The following MARCOL variants were observed in gnomAD, a reference collection of about 807,000 sequenced individuals.
MARCOL encodes the protein MARCO like.
intron 1 of MARCOL, among the ~76,000 whole-genome samples, chr5:148,239,211 C>T (rs986026763): frequency 4.6e-5 from 7 of 151,958 alleles, no homozygotes; most frequent in South Asian, 2.1e-4. Flanking sequence ...TCTCAACTTA[C>T]TTTTCTCTAT....
intron 1 of MARCOL, among the ~76,000 whole-genome samples, chr5:148,239,536 T>C (rs1755941487): frequency 6.6e-6 from 1 of 151,914 alleles, no homozygotes; most frequent in African/African-American, 2.4e-5. Flanking sequence ...AGTGATAATA[T>C]TCATCTTGTT....
intron 1 of MARCOL, among the ~76,000 whole-genome samples, chr5:148,240,012 T>C (rs1180152864): frequency 6.6e-6 from 1 of 151,936 alleles, no homozygotes; most frequent in Admixed American, 6.6e-5. Flanking sequence ...AAAAAATAGA[T>C]GGTGAAACCA....
Position 148,242,545 on chromosome 5 carries a change from G to C in MARCOL, c.149G>C (p.Gly50Ala). Residue 50 changes from glycine (G) to alanine (A), a missense_variant, in exon 2 of 2, where the codon GGA becomes GCA. Transcript: ENST00000638089. ...LEEKNEANHL[G>A]GQRDSNKQGG... ...GAAAAAAATGAAGCTAACCATCTAG[G>C]AGGACAAAGAGATTCTAATAAGCAA... The C allele has an allele frequency of 2.5e-6, 1 of 398,204 alleles. No homozygotes were observed. Among genetic ancestry groups the C allele is most frequent in the Non-Finnish European group, 4.4e-6 (1 of 225,892 alleles). The allele number at this position is 398,204 out of a possible 1,614,324, so 24.7% of individuals were successfully genotyped here.
intron 1 of MARCOL, among the ~76,000 whole-genome samples, chr5:148,241,825 G>A (rs1049150348): frequency 2.4e-4 from 36 of 152,094 alleles, no homozygotes; most frequent in African/African-American, 8.7e-4. Flanking sequence ...AACCACCAGA[G>A]AGAGCATGAT....
chr5:148,240,013 G>T (rs937373448), intron 1 of MARCOL, among the ~76,000 whole-genome samples: 1 of 151,634 alleles, frequency 6.6e-6, no homozygotes, highest in Non-Finnish European at 1.5e-5. Context: ...AAAAATAGAT[G>T]GTGAAACCAC....
intron 1 of MARCOL, among the ~76,000 whole-genome samples, chr5:148,241,890 A>G (rs942885043): frequency 1.3e-5 from 2 of 152,122 alleles, no homozygotes; most frequent in Admixed American, 6.6e-5. Context: ...TGAAAGACAC[A>G]TGTTCTGAAG....
intron 1 of MARCOL, among the ~76,000 whole-genome samples, chr5:148,240,978 G>T (rs1755957342): frequency 6.6e-6 from 1 of 151,906 alleles, no homozygotes; most frequent in South Asian, 2.1e-4. Flanking sequence ...CCCACTACTA[G>T]ACTTCTCAGC....
At chr5:148,241,387 A>T (rs1381758263) in intron 1 of MARCOL, among the ~76,000 whole-genome samples, 1 of 50,532 alleles carries the variant, frequency 2.0e-5, no homozygotes, top group East Asian at 6.2e-4. Flanking sequence ...ATTGAAAAAA[A>T]TACCAAAAAA....
In MARCOL at chr5:148,242,608, G is replaced by A; in HGVS notation, c.212G>A (p.Arg71Lys). The change falls in exon 2 of 2, where the codon AGG becomes AAG. Residue 71 changes from arginine to lysine, a missense_variant. Arg to Lys is a conservative substitution (Grantham distance 26). Coordinates refer to ENST00000638089, the MANE Select transcript of MARCOL (RefSeq NM_001363511.2). ...SYTQGNPGTF[R>K]LQGQPGYFNK... ...ACACAAGGAAATCCAGGAACGTTTA[G>A]GCTTCAAGGACAACCAGGCTATTTT... is the stretch of plus-strand genomic sequence containing the variant. 2.5e-6 allele frequency: 1 copy of A among 398,314 alleles called. No homozygotes were observed. Among genetic ancestry groups the A allele is most frequent in the Non-Finnish European group, 4.4e-6 (1 of 225,920 alleles). 24.7% of individuals were successfully genotyped at this position (398,314 alleles called of 1,614,324 possible).
At chr5:148,239,597 AG>A (rs1052655283) in intron 1 of MARCOL, among the ~76,000 whole-genome samples, 42 of 152,020 alleles carry the variant, frequency 2.8e-4, no homozygotes, top group Middle Eastern at 3.4e-3. Flanking sequence ...ATGTAAGAAA[AG>A]TTGTACAGTA....
In MARCOL at chr5:148,243,460, G is replaced by T; in HGVS notation, c.*206G>T. 2.6e-6 allele frequency: 1 copy of T among 386,210 alleles called. No individual in the cohort carries two copies. Among genetic ancestry groups the T allele is most frequent in the Non-Finnish European group, 4.6e-6 (1 of 218,668 alleles). The allele number at this position is 386,210 out of a possible 1,614,324, so 23.9% of individuals were successfully genotyped here. On this transcript the variant is annotated 3_prime_UTR_variant, in exon 2 of 2. Coordinates refer to ENST00000638089, the MANE Select transcript of MARCOL (RefSeq NM_001363511.2). Reference sequence around the variant, plus strand: ...GATCTAGGATCTTCTAAGCAGCAGGGGAAGCCAGGATCATCTAGCCAGCAA... The same window carrying T: ...GATCTAGGATCTTCTAAGCAGCAGGTGAAGCCAGGATCATCTAGCCAGCAA...
chr5:148,243,267 C>G lies in MARCOL; in HGVS notation c.*13C>G. On this transcript the variant is annotated 3_prime_UTR_variant, in exon 2 of 2. Coordinates refer to ENST00000638089, the MANE Select transcript of MARCOL (RefSeq NM_001363511.2). ...AGGAAATCTATGATTATCTAGCCAG[C>G]AAGGGAATATAGGATCTCCTAGCCA... 1 of 398,626 alleles carries G rather than the reference C, an allele frequency of 2.5e-6. No homozygotes were observed. Among genetic ancestry groups the G allele is most frequent in the Non-Finnish European group, 4.4e-6 (1 of 226,300 alleles). 24.7% of individuals were successfully genotyped at this position (398,626 alleles called of 1,614,324 possible).
Position 148,242,539 on chromosome 5 carries a change from A to G in MARCOL, c.143A>G (p.His48Arg). 2.5e-6 allele frequency: 1 copy of G among 398,360 alleles called. No homozygotes were observed. The highest frequency in any genetic ancestry group is 4.4e-6 in the Non-Finnish European group (1 of 225,902). 24.7% of individuals were successfully genotyped at this position (398,360 alleles called of 1,614,324 possible). The change falls in exon 2 of 2, where the codon CAT becomes CGT. Residue 48 changes from histidine (H) to arginine (R), a missense_variant. By Grantham distance (29) the His-to-Arg change is conservative. Coordinates refer to ENST00000638089, the MANE Select transcript of MARCOL (RefSeq NM_001363511.2). ...CTGGAGGAAAAAAATGAAGCTAACCATCTAGGAGGACAAAGAGATTCTAAT... is the reference window on the plus strand; with the variant it reads ...CTGGAGGAAAAAAATGAAGCTAACCGTCTAGGAGGACAAAGAGATTCTAAT... The part of the protein sequence containing the change: ...LILEEKNEAN[H>R]LGGQRDSNKQ...
intron 1 of MARCOL, among the ~76,000 whole-genome samples, chr5:148,239,697 GTA>G (rs1412748191): frequency 6.6e-6 from 1 of 151,810 alleles, no homozygotes; most frequent in Non-Finnish European, 1.5e-5. Context: ...AACAATACGT[GTA>G]TGTGTGTGTG....
In MARCOL at chr5:148,243,433, G is replaced by A. The variant is rs903981553; in HGVS notation, c.*179G>A. 1 of 385,368 alleles carries A rather than the reference G, an allele frequency of 2.6e-6. No homozygotes were observed. The highest frequency in any genetic ancestry group is 4.6e-6 in the Non-Finnish European group (1 of 218,096). 23.9% of individuals were successfully genotyped at this position (385,368 alleles called of 1,614,324 possible). On this transcript the variant is annotated 3_prime_UTR_variant, in exon 2 of 2. Coordinates refer to ENST00000638089, the MANE Select transcript of MARCOL (RefSeq NM_001363511.2). ...AAGCCAGGGGCATCTAACCAGCAAG[G>A]AGATCTAGGATCTTCTAAGCAGCAG...
intron 1 of MARCOL, among the ~76,000 whole-genome samples, chr5:148,238,915 T>C (rs1169266991): frequency 2.6e-5 from 4 of 152,042 alleles, no homozygotes; most frequent in Non-Finnish European, 5.9e-5. Context: ...ACTGGAAAGA[T>C]GAATTTAGAC....
At chr5:148,238,934 T>A (rs1464482304) in intron 1 of MARCOL, among the ~76,000 whole-genome samples, 2 of 152,080 alleles carry the variant, frequency 1.3e-5, no homozygotes. Context: ...ACTAAGAGGC[T>A]TATGAGTTTG....
At position 148,241,153 on chromosome 5, in the gene MARCOL, T is replaced by TGCTAAC. The variant is rs1561741808; in HGVS notation, c.50-1293_50-1292insGCTAAC. Among the ~76,000 whole-genome samples the TGCTAAC allele has an allele frequency of 2.0e-5, 3 of 151,196 alleles. No individual in the cohort carries two copies. In the East Asian group the frequency reaches 5.9e-4, roughly 30 times the overall value. On this transcript the variant is annotated intron_variant, in intron 1 of 1. Transcript: ENST00000638089. ...CTATACCACAGTTTAGTTAAGCAGG[T>TGCTAAC]TGCTAAGCTTCTGTGTCTTGACTAG...
rs149877510 is a variant in MARCOL at position 148,242,211 on chromosome 5, C to A, written c.50-235C>A. ...CAGACTTTATGATTTAGAAATGGGG[C>A]AAGTTGGATTGATCCTCTAATTTTT... On this transcript the variant is annotated intron_variant, in intron 1 of 1. Transcript: ENST00000638089. 2.8e-3 allele frequency among the ~76,000 whole-genome samples: 421 copies of A among 152,080 alleles called. 4 individuals are homozygous for A. Among genetic ancestry groups the A allele is most frequent in the African/African-American group, 9.3e-3 (384 of 41,508 alleles).
Sources: allele counts gnomAD v4.1 joint callset (sites outside exome capture counted in the v4.1 genomes callset), GRCh38; gene constraint gnomAD v4.1.1; transcripts MANE v1.5; gene names NCBI Gene and HGNC (gene_info 2026-07-23, HGNC 2026-07-21).